The following FAM117B variants were observed in gnomAD, a reference collection of about 807,000 sequenced individuals.
FAM117B encodes protein FAM117B.
A neutral mutation model predicts 52.8 loss-of-function variants in FAM117B; 22 were observed. That is an observed-to-expected ratio of 0.42 (90% CI 0.30 to 0.59). FAM117B has a LOEUF of 0.59. Among genes scored for constraint, FAM117B ranks in the 20% least tolerant of loss-of-function variants. The pLI is 0.22. For synonymous variants in FAM117B, 309 were observed against 324.1 expected, an observed-to-expected ratio of 0.95 and a Z score of 0.50; for missense variants, 678 against 802.6, an observed-to-expected ratio of 0.84 and a Z score of 1.88.
intron 4 of FAM117B, 144 bp downstream of exon 4, chr2:202,726,507 A>G: frequency 1.7e-6 from 1 of 603,976 alleles, no homozygotes; most frequent in Middle Eastern, 3.0e-4. Context: ...CAGTCTTTAT[A>G]AGAAAACAGA....
chr2:202,695,402 T>C (rs1400998424), intron 1 of FAM117B, among the ~76,000 whole-genome samples: 2 of 152,138 alleles, frequency 1.3e-5, no homozygotes, highest in African/African-American at 4.8e-5. Flanking sequence ...CTATCTCGCA[T>C]CCCCCACCAG....
At chr2:202,740,868 A>C (rs1042985652) in intron 4 of FAM117B, among the ~76,000 whole-genome samples, 1 of 152,198 alleles carries the variant, frequency 6.6e-6, no homozygotes, top group East Asian at 1.9e-4. Context: ...TGATACAAAA[A>C]AAAAGCCCTT....
intron 7 of FAM117B, among the ~76,000 whole-genome samples, chr2:202,762,263 A>G (rs1245694563): frequency 3.9e-5 from 6 of 152,116 alleles, no homozygotes; most frequent in Admixed American, 2.6e-4. Context: ...GTGAGGAGTG[A>G]TCTCTGATTT....
At chr2:202,731,493 C>T (rs975192760) in intron 4 of FAM117B, among the ~76,000 whole-genome samples, 10 of 151,086 alleles carry the variant, frequency 6.6e-5, no homozygotes, top group East Asian at 1.9e-4. Flanking sequence ...TGCAGTGGCG[C>T]GACCTTGGAT....
intron 4 of FAM117B, among the ~76,000 whole-genome samples, chr2:202,735,810 T>C (rs1002364908): frequency 2.0e-5 from 3 of 152,184 alleles, no homozygotes; most frequent in Admixed American, 6.5e-5. Context: ...ATACTTTAAG[T>C]TTTAGGGTAC....
At chr2:202,735,905 G>T (rs1020965103) in intron 4 of FAM117B, among the ~76,000 whole-genome samples, 27 of 152,038 alleles carry the variant, frequency 1.8e-4, no homozygotes, top group African/African-American at 5.3e-4. Flanking sequence ...TTTAACATTA[G>T]ATATATCTCC....
chr2:202,694,188 C>CTTTTTTTTTTTTTTTTTTTTTTTTTTTT (rs757843381), intron 1 of FAM117B, among the ~76,000 whole-genome samples: 4 of 99,098 alleles, frequency 4.0e-5, no homozygotes, highest in African/African-American at 1.3e-4. Context: ...AAACCCACTT[C>CTTTTTTTTTTTTTTTTTTTTTTTTTTTT]TTTTTTTTTT....
At chr2:202,691,229 A>G (rs1690616901) in intron 1 of FAM117B, among the ~76,000 whole-genome samples, 1 of 152,146 alleles carries the variant, frequency 6.6e-6, no homozygotes, top group African/African-American at 2.4e-5. Context: ...CAGCCTGGCC[A>G]ACATGGAGAA....
At chr2:202,646,453 C>A (rs536092658) in intron 1 of FAM117B, among the ~76,000 whole-genome samples, 1 of 152,250 alleles carries the variant, frequency 6.6e-6, no homozygotes, top group South Asian at 2.1e-4. Context: ...TTCTCTTGGG[C>A]CAGTTTCCCC....
At chr2:202,651,322 A>G (rs1431068625) in intron 1 of FAM117B, among the ~76,000 whole-genome samples, 3 of 151,300 alleles carry the variant, frequency 2.0e-5, no homozygotes, top group Non-Finnish European at 2.9e-5. Context: ...TCAGCCTCCC[A>G]AAGTGCTGGA....
In FAM117B at chr2:202,635,183, G is replaced by A; in HGVS notation, c.-5G>A. 13 of 1,276,396 alleles carry A rather than the reference G, an allele frequency of 1.0e-5. No individual in the cohort carries two copies. The highest frequency in any genetic ancestry group is 2.5e-5 in the South Asian group (1 of 39,858). The allele number at this position is 1,276,396 out of a possible 1,614,324, so 79.1% of individuals were successfully genotyped here. A position where few individuals can be genotyped will look rare whatever the true frequency, so the allele number is the denominator to read the frequency against. ...CTCGCCCAGTCACCGGGGAGGGGGG[G>A]GACCATGTCCCAGCGGGTGAGGCGC... On this transcript the variant is annotated 5_prime_UTR_variant, in exon 1 of 8. Transcript: ENST00000392238.
At chr2:202,701,610 T>G (rs767007023) in intron 2 of FAM117B, among the ~76,000 whole-genome samples, 8 of 152,208 alleles carry the variant, frequency 5.3e-5, no homozygotes, top group Admixed American at 2.6e-4. Context: ...CATTTGTGAT[T>G]TGTAGGATTA....
At chr2:202,711,309 A>T (rs1303798841) in intron 2 of FAM117B, among the ~76,000 whole-genome samples, 1 of 152,172 alleles carries the variant, frequency 6.6e-6, no homozygotes, top group African/African-American at 2.4e-5. Context: ...TCTGATGAAC[A>T]GTGATTGAGC....
chr2:202,684,944 T>C (rs1048835571), intron 1 of FAM117B, among the ~76,000 whole-genome samples: 2 of 152,136 alleles, frequency 1.3e-5, no homozygotes, highest in African/African-American at 4.8e-5. Flanking sequence ...TGTTACTCGA[T>C]TATCTAAGAG....
chr2:202,684,070 T>G (rs549293458), intron 1 of FAM117B, among the ~76,000 whole-genome samples: 1 of 152,262 alleles, frequency 6.6e-6, no homozygotes, highest in East Asian at 1.9e-4. Flanking sequence ...TTTTGCCATG[T>G]TGCTCTGGCT....
At chr2:202,724,189 C>G (rs1444394422) in intron 2 of FAM117B, among the ~76,000 whole-genome samples, 1 of 150,936 alleles carries the variant, frequency 6.6e-6, no homozygotes, top group Non-Finnish European at 1.5e-5. Flanking sequence ...TCCTGAGTAG[C>G]TGGGATTACA....
intron 4 of FAM117B, among the ~76,000 whole-genome samples, chr2:202,729,216 C>G (rs1170904475): frequency 1.3e-5 from 2 of 152,084 alleles, no homozygotes; most frequent in Non-Finnish European, 2.9e-5. Context: ...TGCCTGTAAC[C>G]CCAGCTACTT....
At chr2:202,675,445 C>CAA (rs386392341) in intron 1 of FAM117B, among the ~76,000 whole-genome samples, 12,831 of 67,744 alleles carry the variant, frequency 0.19, 1,843 homozygotes, top group African/African-American at 0.27. Context: ...GACCTTATCT[C>CAA]AAAAAAAAAA....
At chr2:202,653,231 G>C (rs1689982468) in intron 1 of FAM117B, among the ~76,000 whole-genome samples, 2 of 152,178 alleles carry the variant, frequency 1.3e-5, no homozygotes, top group Non-Finnish European at 2.9e-5. Context: ...TCATGCCACA[G>C]CACTCCTGCC....
Sources: gnomAD v4.1 joint callset for allele counts (sites outside exome capture counted in the v4.1 genomes callset) on GRCh38, gnomAD v4.1.1 for gene constraint, MANE v1.5 for transcripts, NCBI Gene and HGNC (gene_info 2026-07-23, HGNC 2026-07-21) for gene names.